ARHGAP44: variants seen among roughly 807,000 people sequenced by gnomAD.
The protein encoded by ARHGAP44 is Rho GTPase activating protein 44.
ARHGAP44 carries 43 observed loss-of-function variants against 106.8 expected under a neutral mutation model. The observed-to-expected ratio is 0.40, with a 90% confidence interval of 0.32 to 0.52. ARHGAP44 has a LOEUF of 0.52. ARHGAP44 is among the 20% of genes least tolerant of loss of function. The pLI, the probability that ARHGAP44 is intolerant of heterozygous loss-of-function variation, is 0.48. For synonymous variants in ARHGAP44, 439 were observed against 410.3 expected (o/e 1.07, Z -0.85); for missense variants, 866 against 1,050.5 (o/e 0.82, Z 2.43).
At chr17:12,795,513 T>G (rs746217024) in intron 1 of ARHGAP44, among the ~76,000 whole-genome samples, 1 of 152,006 alleles carries the variant, frequency 6.6e-6, no homozygotes, top group Non-Finnish European at 1.5e-5. Context: ...TCCATCAAAG[T>G]AATTTATCAA....
intron 16 of ARHGAP44, among the ~76,000 whole-genome samples, chr17:12,960,217 A>G (rs76168742): frequency 0.091 from 13,896 of 152,126 alleles, 777 homozygotes; most frequent in East Asian, 0.16. Flanking sequence ...AAAAAAGGAA[A>G]TTCTTAGAAA....
At chr17:12,911,775 C>T (rs1196784953) in intron 4 of ARHGAP44, among the ~76,000 whole-genome samples, 2 of 152,126 alleles carry the variant, frequency 1.3e-5, no homozygotes, top group Non-Finnish European at 2.9e-5. Flanking sequence ...AGAAGAGGCT[C>T]GAGTGATCTA....
At chr17:12,810,139 T>G (rs2034394741) in intron 1 of ARHGAP44, among the ~76,000 whole-genome samples, 1 of 152,208 alleles carries the variant, frequency 6.6e-6, no homozygotes, top group South Asian at 2.1e-4. Context: ...AGCTCCCATT[T>G]AGCTTAGAGT....
chr17:12,870,967 T>C (rs2036389107), intron 1 of ARHGAP44, among the ~76,000 whole-genome samples: 1 of 152,192 alleles, frequency 6.6e-6, no homozygotes, highest in Non-Finnish European at 1.5e-5. Context: ...TTTCTTTTTC[T>C]CTCTCTTCTT....
rs2033658976 is a variant in ARHGAP44 at position 12,789,508 on chromosome 17, C to CGGA, written c.-329_-327dup. ...CCGGGCCAGCCGGCCAGCCAGCCTG[C>CGGA]GGAGACTCCCGGGTCCCCGCGCCGG... On this transcript the variant is annotated 5_prime_UTR_variant, in exon 1 of 21. Coordinates refer to ENST00000379672, the MANE Select transcript of ARHGAP44 (RefSeq NM_014859.6). 5.6e-6 allele frequency: 1 copy of CGGA among 178,552 alleles called. No homozygotes were observed. The highest frequency in any genetic ancestry group is 2.0e-4 in the South Asian group (1 of 5,092). The allele number at this position is 178,552 out of a possible 1,614,324, so 11.1% of individuals were successfully genotyped here. A position where few individuals can be genotyped will look rare whatever the true frequency, so the allele number is the denominator to read the frequency against.
chr17:12,828,898 C>T (rs1331600012), intron 1 of ARHGAP44, among the ~76,000 whole-genome samples: 1 of 151,544 alleles, frequency 6.6e-6, no homozygotes, highest in Admixed American at 6.6e-5. Context: ...ACCTCGGCCT[C>T]CCAAAGTGCT....
chr17:12,920,035 A>G (rs1218193864), intron 6 of ARHGAP44, among the ~76,000 whole-genome samples: 3 of 152,144 alleles, frequency 2.0e-5, no homozygotes, highest in African/African-American at 7.2e-5. Context: ...TTTTGGAGGT[A>G]GACACTAGGC....
intron 1 of ARHGAP44, among the ~76,000 whole-genome samples, chr17:12,834,100 G>C (rs1172431122): frequency 6.6e-6 from 1 of 152,146 alleles, no homozygotes; most frequent in Non-Finnish European, 1.5e-5. Context: ...TTGGCCAAGA[G>C]TACGGGTCCA....
chr17:12,968,678 A>G (rs1202321012), intron 16 of ARHGAP44, among the ~76,000 whole-genome samples: 1 of 152,108 alleles, frequency 6.6e-6, no homozygotes, highest in East Asian at 1.9e-4. Context: ...ACCTAGGGAA[A>G]TGGGACTGAT....
chr17:12,841,418 G>A (rs2035388078), intron 1 of ARHGAP44, among the ~76,000 whole-genome samples: 1 of 152,028 alleles, frequency 6.6e-6, no homozygotes, highest in Admixed American at 6.6e-5. Context: ...GGGCAACATA[G>A]TAAAACCCCA....
intron 13 of ARHGAP44, among the ~76,000 whole-genome samples, chr17:12,954,246 A>G (rs2039072762): frequency 6.6e-6 from 1 of 152,184 alleles, no homozygotes; most frequent in African/African-American, 2.4e-5. Flanking sequence ...AGATGAAAAC[A>G]TTCAGGAAAC....
Position 12,851,883 on chromosome 17 carries a change from G to T in ARHGAP44, c.54-43057G>T, listed in dbSNP as rs79102605. Among the ~76,000 whole-genome samples the T allele has an allele frequency of 0.011, 1,690 of 152,066 alleles. 78 individuals carry two copies. The East Asian group carries it at 0.17, about 15-fold the overall frequency. On this transcript the variant is annotated intron_variant, in intron 1 of 20. Coordinates refer to ENST00000379672, the MANE Select transcript of ARHGAP44 (RefSeq NM_014859.6). ...GATGGCCGCATCTGAGTCGAAAGGA[G>T]GCCAGGGAATATAATCGTTTGGTGG...
At chr17:12,941,252 T>G (rs924860718) in intron 8 of ARHGAP44, 128 bp downstream of exon 8, 2 of 768,200 alleles carry the variant, frequency 2.6e-6, no homozygotes, top group Admixed American at 5.6e-5. Flanking sequence ...ATTTTACTAG[T>G]GAAATAAATC....
At position 12,789,691 on chromosome 17, in the gene ARHGAP44, T is replaced by A. The variant is rs2033669266; in HGVS notation, c.-148T>A. Reference sequence around the variant, plus strand: ...GGCGGCGGCGCCCTCGGGAGGGAGCTGCGCGCGGGCCAGACGGCGCCCGGA... The same window carrying A: ...GGCGGCGGCGCCCTCGGGAGGGAGCAGCGCGCGGGCCAGACGGCGCCCGGA... On this transcript the variant is annotated 5_prime_UTR_variant, in exon 1 of 21. Transcript: ENST00000379672. 3 of 553,042 alleles carry A rather than the reference T, an allele frequency of 5.4e-6. No individual in the cohort carries two copies. In the African/African-American group the frequency reaches 6.0e-5, roughly 11 times the overall value. The allele number at this position is 553,042 out of a possible 1,614,324, so 34.3% of individuals were successfully genotyped here.
At chr17:12,826,136 C>CTTG (rs2034913308) in intron 1 of ARHGAP44, among the ~76,000 whole-genome samples, 1 of 152,142 alleles carries the variant, frequency 6.6e-6, no homozygotes, top group Non-Finnish European at 1.5e-5. Context: ...CATAGGTAAA[C>CTTG]TTGTGTCCTG....
rs865880560 is a variant in ARHGAP44, at chr17:12,789,714, G to A, written c.-125G>A. 6.0e-6 allele frequency: 5 copies of A among 839,666 alleles called. No homozygotes were observed. The highest frequency in any genetic ancestry group is 3.7e-5 in the South Asian group (1 of 27,046). The allele number at this position is 839,666 out of a possible 1,614,324, so 52.0% of individuals were successfully genotyped here. Reference sequence around the variant, plus strand: ...GCTGCGCGCGGGCCAGACGGCGCCCGGAGGCTCCGCAGTGCCGCCGCCGTC... The same window carrying A: ...GCTGCGCGCGGGCCAGACGGCGCCCAGAGGCTCCGCAGTGCCGCCGCCGTC... On this transcript the variant is annotated 5_prime_UTR_variant, in exon 1 of 21. Transcript: ENST00000379672.
chr17:12,849,048 C>CAA (rs58661356), intron 1 of ARHGAP44, among the ~76,000 whole-genome samples: 1,765 of 110,054 alleles, frequency 0.016, 35 homozygotes, highest in East Asian at 0.079. Flanking sequence ...AACTCCATCT[C>CAA]AAAAAAAAAA....
chr17:12,802,168 C>A (rs1412506592), intron 1 of ARHGAP44, among the ~76,000 whole-genome samples: 1 of 152,200 alleles, frequency 6.6e-6, no homozygotes. Context: ...AAAGACATAA[C>A]ATTTTGAGAC....
At chr17:12,987,044 G>C in intron 20 of ARHGAP44, 2 of 1,118,278 alleles carry the variant, frequency 1.8e-6, no homozygotes, top group African/African-American at 1.7e-5. Flanking sequence ...TTTTTGTGAC[G>C]TTCATGTTTT....
Sources: allele counts gnomAD v4.1 joint callset (sites outside exome capture counted in the v4.1 genomes callset), GRCh38; gene constraint gnomAD v4.1.1; transcripts MANE v1.5; gene names NCBI Gene and HGNC (gene_info 2026-07-23, HGNC 2026-07-21).